The following PSMD3 variants were observed in gnomAD, a reference collection of about 807,000 sequenced individuals.
PSMD3 encodes the protein proteasome 26S subunit, non-ATPase 3.
A neutral mutation model predicts 62.8 loss-of-function variants in PSMD3; 5 were observed. The ratio of observed to expected loss-of-function variants is 0.08; its 90% CI spans 0.04 to 0.17. PSMD3 has a LOEUF of 0.17. PSMD3 is among the 10% of genes least tolerant of loss of function. PSMD3 has a pLI of 1.00. For synonymous variants in PSMD3, 265 were observed against 283.9 expected, an observed-to-expected ratio of 0.93 and a Z score of 0.67; for missense variants, 524 against 713.6, an observed-to-expected ratio of 0.73 and a Z score of 3.03.
Position 39,980,915 on chromosome 17 carries a change from G to A in PSMD3, c.-56G>A. 7.0e-7 allele frequency: 1 copy of A among 1,420,734 alleles called. No homozygotes were observed. The highest frequency in any genetic ancestry group is 9.3e-7 in the Non-Finnish European group (1 of 1,079,706). The allele number at this position is 1,420,734 out of a possible 1,614,324, so 88.0% of individuals were successfully genotyped here. The stretch of plus-strand genomic sequence containing the variant: ...GCTCGGCTCCTGGTCCCCGGTGCGA[G>A]GGTTAACGCGAGGCCCCGGCCTCGG... On this transcript the variant is annotated 5_prime_UTR_variant, in exon 1 of 12. Coordinates refer to ENST00000264639, the MANE Select transcript of PSMD3 (RefSeq NM_002809.4).
At position 39,995,577 on chromosome 17, in the gene PSMD3, A is replaced by G. The variant is rs371586222; in HGVS notation, c.1320+50A>G. The G allele has an allele frequency of 9.1e-6, 14 of 1,531,450 alleles. No homozygotes were observed. The highest frequency in any genetic ancestry group is 1.2e-5 in the Non-Finnish European group (13 of 1,105,580). 94.9% of individuals were successfully genotyped at this position (1,531,450 alleles called of 1,614,324 possible). A position where few individuals can be genotyped will look rare whatever the true frequency, so the allele number is the denominator to read the frequency against. On this transcript the variant is annotated intron_variant, in intron 9 of 11. Transcript: ENST00000264639. This position sits in a 1 kb window ranked among gnomAD's most constrained non-coding sequence, Gnocchi z 4.1. ...TGACCAGGTTGTCACTTTCCTGCCA[A>G]TCTCAGGAGGCAGGAGTGGGAGGAG...
At chr17:39,983,438 TTGTA>T (rs1325371331) in intron 1 of PSMD3, among the ~76,000 whole-genome samples, 3 of 152,208 alleles carry the variant, frequency 2.0e-5, no homozygotes, top group African/African-American at 7.2e-5. Flanking sequence ...TTTTTCCTCT[TTGTA>T]TGTTAGTTCG....
Position 39,980,882 on chromosome 17 carries a change from C to G in PSMD3, c.-89C>G, listed in dbSNP as rs929940064. On this transcript the variant is annotated 5_prime_UTR_variant, in exon 1 of 12. Coordinates refer to ENST00000264639, the MANE Select transcript of PSMD3 (RefSeq NM_002809.4). Reference sequence around the variant, plus strand: ...CCCGACGCTATCTCGCGCTCGTGTGCAGGCCCGGCTCGGCTCCTGGTCCCC... The same window carrying G: ...CCCGACGCTATCTCGCGCTCGTGTGGAGGCCCGGCTCGGCTCCTGGTCCCC... The G allele has an allele frequency of 9.2e-6, 11 of 1,191,392 alleles. No individual in the cohort carries two copies. The highest frequency in any genetic ancestry group is 1.2e-5 in the Non-Finnish European group (11 of 882,934). The allele number at this position is 1,191,392 out of a possible 1,614,324, so 73.8% of individuals were successfully genotyped here. A position where few individuals can be genotyped will look rare whatever the true frequency, so the allele number is the denominator to read the frequency against.
At chr17:39,986,460 C>G (rs1980526014) in intron 2 of PSMD3, 115 bp from the exon 3 acceptor site, 1 of 1,298,818 alleles carries the variant, frequency 7.7e-7, no homozygotes. Context: ...CTAACAAAAT[C>G]TTGGCACATG....
rs376686096 is a variant in PSMD3, at chr17:39,995,230, A to G, written c.1151A>G (p.Glu384Gly). The change falls in exon 8 of 12, where the codon GAG (glutamate) becomes GGG (glycine). Residue 384 changes from glutamate (E) to glycine (G), a missense_variant. Coordinates refer to ENST00000264639, the MANE Select transcript of PSMD3 (RefSeq NM_002809.4). This position sits in a 1 kb window ranked among gnomAD's most constrained non-coding sequence, Gnocchi z 4.1. ...AACCAGGTCCTGGATCAGTTTGGGG[A>G]GAAGTTTCAAGCAGATGGGACCTAC... is the stretch of plus-strand genomic sequence containing the variant. The part of the protein sequence containing the change: ...KFNQVLDQFG[E>G]KFQADGTYTL... 1 of 1,614,006 alleles carries G rather than the reference A, an allele frequency of 6.2e-7. No homozygotes were observed. The highest frequency in any genetic ancestry group is 1.3e-5 in the African/African-American group (1 of 74,898).
rs1458108462 is a variant in PSMD3 at position 39,990,324 on chromosome 17, A to G, written c.981+127A>G. The G allele has an allele frequency of 3.8e-6, 3 of 782,268 alleles. No homozygotes were observed. In the African/African-American group the frequency reaches 5.3e-5, roughly 14 times the overall value. The allele number at this position is 782,268 out of a possible 1,614,324, so 48.5% of individuals were successfully genotyped here. Reference sequence around the variant, plus strand: ...GAAGTCCTCCCACCTCAGCTTCCCAAAGTGCTGGGATCACAGGTATGAGCC... The same window carrying G: ...GAAGTCCTCCCACCTCAGCTTCCCAGAGTGCTGGGATCACAGGTATGAGCC... On this transcript the variant is annotated intron_variant, in intron 6 of 11. Transcript: ENST00000264639.
Position 39,997,699 on chromosome 17 carries a change from AG to A in PSMD3, c.*123del. 8.1e-7 allele frequency: 1 copy of A among 1,227,790 alleles called. No homozygotes were observed. Among genetic ancestry groups the A allele is most frequent in the Non-Finnish European group, 1.2e-6 (1 of 866,570 alleles). 76.1% of individuals were successfully genotyped at this position (1,227,790 alleles called of 1,614,324 possible). On this transcript the variant is annotated 3_prime_UTR_variant, in exon 12 of 12. Coordinates refer to ENST00000264639, the MANE Select transcript of PSMD3 (RefSeq NM_002809.4). ...CACAGCTCATATGCTGCATTCGTGC[AG>A]GGGGTGGGGGTGCTGGGAGCCAGCC...
At chr17:39,986,771 G>C in intron 3 of PSMD3, 59 bp downstream of exon 3, 1 of 1,578,968 alleles carries the variant, frequency 6.3e-7, no homozygotes. Context: ...GGGTTTGGCG[G>C]GGAGATGGTC....
At chr17:39,991,178 C>T (rs1413694281) in intron 6 of PSMD3, among the ~76,000 whole-genome samples, 2 of 151,830 alleles carry the variant, frequency 1.3e-5, no homozygotes, top group Non-Finnish European at 1.5e-5. Context: ...TTTTTTGAAA[C>T]GGAGTCTTGC....
intron 10 of PSMD3, 146 bp from the exon 11 acceptor site, chr17:39,997,184 C>G: frequency 1.4e-6 from 1 of 718,322 alleles, no homozygotes; most frequent in Non-Finnish European, 2.5e-6. Context: ...CCTTTGATGC[C>G]TAGCCCCCCA....
chr17:39,987,846 G>A (rs933313500), intron 3 of PSMD3, among the ~76,000 whole-genome samples: 3 of 152,198 alleles, frequency 2.0e-5, no homozygotes, highest in African/African-American at 7.2e-5. Context: ...GGTGGCTCAC[G>A]CCTGTAATCC....
At position 39,996,249 on chromosome 17, in the gene PSMD3, A is replaced by G; in HGVS notation, c.1387A>G (p.Met463Val). 1 of 1,613,828 alleles carries G rather than the reference A, an allele frequency of 6.2e-7. No homozygotes were observed. The highest frequency in any genetic ancestry group is 8.5e-7 in the Non-Finnish European group (1 of 1,179,966). Residue 463 changes from methionine to valine, a missense_variant, in exon 10 of 12, where the codon ATG becomes GTG. Physicochemically the swap from Met to Val is conservative, Grantham distance 21. Coordinates refer to ENST00000264639, the MANE Select transcript of PSMD3 (RefSeq NM_002809.4). The surrounding 1 kb of genome is among the most constrained non-coding windows in gnomAD (Gnocchi z 5.1). ...HEKGYVQSKE[M>V]IDIYSTREPQ... ...GAAGGGCTATGTCCAATCCAAGGAG[A>G]TGATTGACATCTATTCCACCCGAGA...
At chr17:39,985,128 T>TGAGGCAGGAGGATCACTTG (rs1980493001) in intron 2 of PSMD3, among the ~76,000 whole-genome samples, 1 of 152,136 alleles carries the variant, frequency 6.6e-6, no homozygotes, top group Non-Finnish European at 1.5e-5. Context: ...CTCGGGAGGC[T>TGAGGCAGGAGGATCACTTG]GAGGCAGGAG....
rs1317833807 is a variant in PSMD3, at chr17:39,995,980, C to CT, written c.1321-202dup. The CT allele has an allele frequency of 1.6e-6, 1 of 615,910 alleles. No homozygotes were observed. Among genetic ancestry groups the CT allele is most frequent in the Non-Finnish European group, 2.8e-6 (1 of 361,610 alleles). The allele number at this position is 615,910 out of a possible 1,614,324, so 38.2% of individuals were successfully genotyped here. On this transcript the variant is annotated intron_variant, in intron 9 of 11. Transcript: ENST00000264639. The surrounding 1 kb of genome is among the most constrained non-coding windows in gnomAD (Gnocchi z 4.1). ...CTGAAAATACAAAAATTAGCCAGGC[C>CT]TGGTGGCAGGTTCCTGTAATCCCAG... is the stretch of plus-strand genomic sequence containing the variant.
rs368645970 is a variant in PSMD3 at position 39,986,727 on chromosome 17, G to A, written c.549+15G>A. ...GCTACAAAGAGGTATCCAGGATGCA[G>A]TGAGAGCGATTCATAAGCCCCAAGT... On this transcript the variant is annotated intron_variant, in intron 3 of 11. Transcript: ENST00000264639. 15 of 1,613,806 alleles carry A rather than the reference G, an allele frequency of 9.3e-6. No homozygotes were observed. The highest frequency in any genetic ancestry group is 1.3e-5 in the Non-Finnish European group (15 of 1,179,862).
chr17:39,996,061 G>A lies in PSMD3; in HGVS notation c.1321-122G>A. 1.6e-6 allele frequency: 2 copies of A among 1,236,164 alleles called. No homozygotes were observed. The highest frequency in any genetic ancestry group is 2.3e-6 in the Non-Finnish European group (2 of 862,644). 76.6% of individuals were successfully genotyped at this position (1,236,164 alleles called of 1,614,324 possible). On this transcript the variant is annotated intron_variant, in intron 9 of 11. Coordinates refer to ENST00000264639, the MANE Select transcript of PSMD3 (RefSeq NM_002809.4). The surrounding 1 kb of genome is among the most constrained non-coding windows in gnomAD (Gnocchi z 5.1). ...TTGAACCCGGGAGGTAAAGGTTGCA[G>A]TGAGCTGAGATCGCACCACCGCACT...
chr17:39,990,938 G>A (rs951110290), intron 6 of PSMD3, among the ~76,000 whole-genome samples: 1 of 152,078 alleles, frequency 6.6e-6, no homozygotes, highest in African/African-American at 2.4e-5. Context: ...GCACTGTAAG[G>A]GATAGGAAGG....
At chr17:39,985,040 C>T (rs865985439) in intron 2 of PSMD3, among the ~76,000 whole-genome samples, 4 of 151,884 alleles carry the variant, frequency 2.6e-5, no homozygotes, top group South Asian at 2.1e-4. Context: ...CCAGCCTGGG[C>T]GACATGGTGA....
In PSMD3 at chr17:39,989,723, T is replaced by C; in HGVS notation, c.687-16T>C. 6.2e-7 allele frequency: 1 copy of C among 1,606,898 alleles called. No homozygotes were observed. Among genetic ancestry groups the C allele is most frequent in the Non-Finnish European group, 8.5e-7 (1 of 1,176,352 alleles). ...TGTGATTTGAAGGCTTTGACATCTT[T>C]CTTTCCTTCTTGAAGCTTCTTGCAT... On this transcript the variant is annotated splice_polypyrimidine_tract_variant and intron_variant, in intron 4 of 11. Transcript: ENST00000264639.
Sources: gnomAD v4.1 joint callset for allele counts (sites outside exome capture counted in the v4.1 genomes callset) on GRCh38, gnomAD v4.1.1 for gene constraint, Gnocchi (gnomAD v3.1) non-coding constraint, MANE v1.5 for transcripts, NCBI Gene and HGNC (gene_info 2026-07-23, HGNC 2026-07-21) for gene names.